DAGLA: variants seen among roughly 807,000 people sequenced by gnomAD.
DAGLA encodes the protein diacylglycerol lipase alpha, also known as diacylglycerol lipase-alpha.
Under a neutral mutation model 102.6 loss-of-function variants are expected in DAGLA, and 22 were observed. That is an observed-to-expected ratio of 0.21 (90% confidence interval 0.15 to 0.31). DAGLA has a LOEUF of 0.31. DAGLA is among the 10% of genes least tolerant of loss of function. The pLI, the probability that DAGLA is intolerant of heterozygous loss-of-function variation, is 1.00. For missense variants in DAGLA, 927 were observed against 1,446.6 expected (o/e 0.64, Z 5.83); for synonymous variants, 578 against 628.9 (o/e 0.92, Z 1.21).
intron 1 of DAGLA, among the ~76,000 whole-genome samples, chr11:61,689,784 G>A (rs1195820556): frequency 6.6e-6 from 1 of 152,172 alleles, no homozygotes; most frequent in Non-Finnish European, 1.5e-5. Context: ...GTTTACAGGA[G>A]TGAGCCACTG....
rs1049671362 is a variant in DAGLA, at chr11:61,734,676, A to G, written c.975-173A>G. 2.0e-5 allele frequency among the ~76,000 whole-genome samples: 3 copies of G among 152,070 alleles called. 1 individual carries two copies. Among genetic ancestry groups the G allele is most frequent in the Non-Finnish European group, 4.4e-5 (3 of 67,924 alleles). On this transcript the variant is annotated intron_variant, in intron 9 of 19. Coordinates refer to ENST00000257215, the MANE Select transcript of DAGLA (RefSeq NM_006133.3). This position sits in a 1 kb window ranked among gnomAD's most constrained non-coding sequence, Gnocchi z 4.2. The stretch of plus-strand genomic sequence containing the variant: ...CAAGAGCTCAGTTAAGAGGAAGGCT[A>G]AGAGTGGCCAGTGGATTTGGTGACG...
chr11:61,694,767 C>T lies in DAGLA; in HGVS notation c.-45+14263C>T, dbSNP rs112707052. 9.3e-3 allele frequency among the ~76,000 whole-genome samples: 1,414 copies of T among 152,172 alleles called. 20 individuals carry two copies. Among genetic ancestry groups the T allele is most frequent in the African/African-American group, 0.032 (1,349 of 41,518 alleles). On this transcript the variant is annotated intron_variant, in intron 1 of 19. Transcript: ENST00000257215. ...TTGTTTTAAAGACATTGAAGTAAAC[C>T]CATGGGATTCATGCGGTCACATGTT... is the stretch of plus-strand genomic sequence containing the variant.
intron 1 of DAGLA, among the ~76,000 whole-genome samples, chr11:61,688,035 G>T (rs955983474): frequency 6.6e-6 from 1 of 152,170 alleles, no homozygotes; most frequent in Admixed American, 6.5e-5. Context: ...GATTAGGGAT[G>T]GCTGGGTGCG....
intron 1 of DAGLA, among the ~76,000 whole-genome samples, chr11:61,703,705 GGA>G (rs2065127875): frequency 6.6e-6 from 1 of 151,976 alleles, no homozygotes; most frequent in Non-Finnish European, 1.5e-5. Context: ...ATGGATGGAT[GGA>G]TGGATGGATG....
chr11:61,700,968 A>T (rs1008440713), intron 1 of DAGLA, among the ~76,000 whole-genome samples: 2 of 152,148 alleles, frequency 1.3e-5, no homozygotes, highest in Non-Finnish European at 2.9e-5. Flanking sequence ...TGTTCTTGCA[A>T]TCCCACTGAC....
chr11:61,692,021 A>T (rs1045469447), intron 1 of DAGLA, among the ~76,000 whole-genome samples: 4 of 152,312 alleles, frequency 2.6e-5, no homozygotes, highest in African/African-American at 9.6e-5. Context: ...CTGGGCCCAG[A>T]TGTGCATTTC....
chr11:61,693,576 T>C (rs574253796), intron 1 of DAGLA, among the ~76,000 whole-genome samples: 192 of 152,310 alleles, frequency 1.3e-3, no homozygotes, highest in South Asian at 2.9e-3. Flanking sequence ...CTCGATCTCC[T>C]GATCTTGTGG....
chr11:61,742,792 TTCCC>T (rs1197715463), intron 19 of DAGLA, among the ~76,000 whole-genome samples: 3 of 80,112 alleles, frequency 3.7e-5, no homozygotes, highest in Non-Finnish European at 7.2e-5. Context: ...CCCTTCCTCC[TTCCC>T]TCCCTCCCTC....
rs1312096451 is a variant in DAGLA, at chr11:61,734,968, C to T, written c.1094C>T (p.Ala365Val). The change falls in exon 10 of 20, where the codon GCG becomes GTG. Residue 365 changes from alanine (A) to valine (V), a missense_variant. This residue lies in a region of DAGLA where 218 missense variants were observed against 459.6 expected (regional missense o/e 0.47). Coordinates refer to ENST00000257215, the MANE Select transcript of DAGLA (RefSeq NM_006133.3). This position sits in a 1 kb window ranked among gnomAD's most constrained non-coding sequence, Gnocchi z 4.2. The part of the protein sequence containing the change: ...RRHFLDENMT[A>V]VDIVYTSCHD... Reference sequence around the variant, plus strand: ...CACTTCCTGGACGAGAACATGACTGCGGTGGACATCGTCTATACCTCCTGC... The same window carrying T: ...CACTTCCTGGACGAGAACATGACTGTGGTGGACATCGTCTATACCTCCTGC... The T allele has an allele frequency of 1.2e-6, 2 of 1,613,850 alleles. No individual in the cohort carries two copies. Among genetic ancestry groups the T allele is most frequent in the Non-Finnish European group, 8.5e-7 (1 of 1,179,954 alleles).
At chr11:61,715,394 G>A (rs761237763) in intron 1 of DAGLA, among the ~76,000 whole-genome samples, 11 of 152,166 alleles carry the variant, frequency 7.2e-5, no homozygotes, top group Non-Finnish European at 1.2e-4. Context: ...GGTGGCACTC[G>A]TGGGGGTTCC....
intron 1 of DAGLA, among the ~76,000 whole-genome samples, chr11:61,695,161 G>A (rs976070404): frequency 1.3e-5 from 2 of 152,220 alleles, no homozygotes; most frequent in African/African-American, 4.8e-5. Flanking sequence ...GCTGGAATCT[G>A]GCCCTGCACA....
chr11:61,713,271 A>G (rs962867821), intron 1 of DAGLA, among the ~76,000 whole-genome samples: 3 of 152,230 alleles, frequency 2.0e-5, no homozygotes, highest in Admixed American at 6.5e-5. Context: ...CAGAAACAGC[A>G]TGCAGAGGTA....
intron 1 of DAGLA, among the ~76,000 whole-genome samples, chr11:61,697,836 T>A: frequency 6.6e-6 from 1 of 152,130 alleles, no homozygotes. Context: ...ACTACAGGCA[T>A]GCCCTGCCAT....
At chr11:61,685,735 C>T (rs566787932) in intron 1 of DAGLA, among the ~76,000 whole-genome samples, 113 of 150,192 alleles carry the variant, frequency 7.5e-4, no homozygotes, top group African/African-American at 2.6e-3. Context: ...CGGGTGGCCA[C>T]GGCCTTTTTA....
In DAGLA at chr11:61,744,499, T is replaced by TG; in HGVS notation, c.*11dup. 1.3e-6 allele frequency: 2 copies of TG among 1,532,652 alleles called. No individual in the cohort carries two copies. The highest frequency in any genetic ancestry group is 1.8e-6 in the Non-Finnish European group (2 of 1,138,390). 94.9% of individuals were successfully genotyped at this position (1,532,652 alleles called of 1,614,324 possible). A position where few individuals can be genotyped will look rare whatever the true frequency, so the allele number is the denominator to read the frequency against. On this transcript the variant is annotated 3_prime_UTR_variant, in exon 20 of 20. Coordinates refer to ENST00000257215, the MANE Select transcript of DAGLA (RefSeq NM_006133.3). Reference sequence around the variant, plus strand: ...CATCTCAGCACGCTAGCACCCCAGTTGCGTGGCCAGCCGGGCCCAGGCAGG... The same window carrying TG: ...CATCTCAGCACGCTAGCACCCCAGTTGGCGTGGCCAGCCGGGCCCAGGCAGG...
intron 1 of DAGLA, among the ~76,000 whole-genome samples, chr11:61,687,698 G>A (rs947159411): frequency 1.3e-5 from 2 of 152,208 alleles, no homozygotes; most frequent in Non-Finnish European, 2.9e-5. Context: ...GAGAGCATGT[G>A]TGTTCCCCTC....
Position 61,741,278 on chromosome 11 carries a change from C to A in DAGLA, c.2100C>A (p.Pro700=). 3.1e-6 allele frequency: 5 copies of A among 1,613,144 alleles called. No homozygotes were observed. The highest frequency in any genetic ancestry group is 4.2e-6 in the Non-Finnish European group (5 of 1,180,026). The change falls in exon 19 of 20, where the codon CCC becomes CCA. Residue 700 remains proline (P), a synonymous_variant. Coordinates refer to ENST00000257215, the MANE Select transcript of DAGLA (RefSeq NM_006133.3). Reference sequence around the variant, plus strand: ...TCATCTTCCAGCAGCAGCCACTCCCCACGGGGCCGCCCATGCCCACTGGCC... The same window carrying A: ...TCATCTTCCAGCAGCAGCCACTCCCAACGGGGCCGCCCATGCCCACTGGCC... ...PELIFQQQPL[P]TGPPMPTGLA...
chr11:61,707,264 G>C lies in DAGLA; in HGVS notation c.-44-12848G>C, dbSNP rs1175681228. Among the ~76,000 whole-genome samples, 4 of 152,376 alleles carry C rather than the reference G, an allele frequency of 2.6e-5. No homozygotes were observed. The South Asian group carries it at 8.3e-4, about 32-fold the overall frequency. On this transcript the variant is annotated intron_variant, in intron 1 of 19. Transcript: ENST00000257215. ...GCCGCAGAAGTGACAGCGTGACAAG[G>C]CTGGGCGAGTCTCTTGGGAAGGAAA...
At chr11:61,706,929 G>A (rs535498970) in intron 1 of DAGLA, among the ~76,000 whole-genome samples, 1 of 152,376 alleles carries the variant, frequency 6.6e-6, no homozygotes, top group African/African-American at 2.4e-5. Flanking sequence ...AGCACTGCTG[G>A]TCTCTCTCAG....
Sources: allele counts gnomAD v4.1 joint callset (sites outside exome capture counted in the v4.1 genomes callset), GRCh38; gene constraint gnomAD v4.1.1; regional missense constraint gnomAD v4.1.1; non-coding constraint Gnocchi (gnomAD v3.1); transcripts MANE v1.5; gene names NCBI Gene and HGNC (gene_info 2026-07-23, HGNC 2026-07-21).